Variants in CDH12 observed in about 807,000 individuals in gnomAD.
CDH12 encodes the protein cadherin 12, also known as cadherin-12.
Under a neutral mutation model 74.1 loss-of-function variants are expected in CDH12, and 41 were observed. The observed-to-expected ratio is 0.55, with a 90% CI of 0.43 to 0.72. CDH12 has a LOEUF of 0.72. Ranked by LOEUF, CDH12 falls within the 30% of genes least tolerant of loss-of-function variation. The pLI is 0.00. For synonymous variants in CDH12, 399 were observed against 355.0 expected (o/e 1.12, Z -1.39); for missense variants, 945 against 977.2 (o/e 0.97, Z 0.44).
chr5:21,827,842 A>G (rs769540799), intron 8 of CDH12, among the ~76,000 whole-genome samples: 3 of 152,184 alleles, frequency 2.0e-5, no homozygotes, highest in Non-Finnish European at 4.4e-5. Context: ...AATTTTGGCA[A>G]GAGTTCACAA....
chr5:22,511,898 T>C (rs1736626419), intron 1 of CDH12, among the ~76,000 whole-genome samples: 1 of 152,084 alleles, frequency 6.6e-6, no homozygotes, highest in Non-Finnish European at 1.5e-5. Flanking sequence ...ATGAAAATGG[T>C]CTTATAACTC....
At chr5:21,902,300 ATATATGTG>A (rs1753427576) in intron 6 of CDH12, among the ~76,000 whole-genome samples, 1 of 150,736 alleles carries the variant, frequency 6.6e-6, no homozygotes, top group Admixed American at 6.7e-5. Context: ...GTATATATGT[ATATATGTG>A]TATATATATA....
At chr5:21,912,755 T>C (rs1391008072) in intron 6 of CDH12, among the ~76,000 whole-genome samples, 12 of 152,142 alleles carry the variant, frequency 7.9e-5, no homozygotes, top group Admixed American at 7.2e-4. Context: ...ATTTCTTTAT[T>C]GTCAGTTTTT....
intron 5 of CDH12, among the ~76,000 whole-genome samples, chr5:22,036,650 A>G (rs915119325): frequency 6.6e-6 from 1 of 152,178 alleles, no homozygotes; most frequent in South Asian, 2.1e-4. Flanking sequence ...GAAAATGTTA[A>G]TGAGACTTAT....
At chr5:21,868,716 C>A (rs1346882774) in intron 6 of CDH12, among the ~76,000 whole-genome samples, 1 of 152,162 alleles carries the variant, frequency 6.6e-6, no homozygotes, top group East Asian at 1.9e-4. Flanking sequence ...CTTGTAAATT[C>A]ACAGGCTCAC....
chr5:22,757,097 C>T (rs367584708), intron 1 of CDH12, among the ~76,000 whole-genome samples: 2 of 152,138 alleles, frequency 1.3e-5, no homozygotes, highest in East Asian at 1.9e-4. Flanking sequence ...GTTCAGGATC[C>T]TGTTTATAAA....
At chr5:22,530,409 A>G (rs1737533998) in intron 1 of CDH12, among the ~76,000 whole-genome samples, 1 of 152,154 alleles carries the variant, frequency 6.6e-6, no homozygotes, top group Non-Finnish European at 1.5e-5. Context: ...ATGTTTGTAG[A>G]GGGGCAGAGT....
At chr5:21,880,633 T>TCCC (rs1752272197) in intron 6 of CDH12, among the ~76,000 whole-genome samples, 1 of 93,422 alleles carries the variant, frequency 1.1e-5, no homozygotes, top group Non-Finnish European at 2.3e-5. Context: ...CTTTCTTTCT[T>TCCC]TCTTTCTTTC....
intron 8 of CDH12, among the ~76,000 whole-genome samples, chr5:21,822,819 C>T (rs184933652): frequency 4.6e-5 from 7 of 152,038 alleles, no homozygotes; most frequent in South Asian, 2.1e-4. Flanking sequence ...ACACAATATC[C>T]GTCATATTAA....
At chr5:22,034,606 T>C (rs898543067) in intron 5 of CDH12, among the ~76,000 whole-genome samples, 4 of 152,216 alleles carry the variant, frequency 2.6e-5, no homozygotes, top group African/African-American at 9.6e-5. Context: ...AATTTTCTAG[T>C]CTCACTCTTT....
At chr5:22,811,388 G>T (rs764248695) in intron 1 of CDH12, among the ~76,000 whole-genome samples, 13 of 152,062 alleles carry the variant, frequency 8.5e-5, no homozygotes, top group Non-Finnish European at 1.9e-4. Context: ...GAGAACCTAG[G>T]CCCCTAAGCA....
intron 2 of CDH12, among the ~76,000 whole-genome samples, chr5:22,502,870 C>A (rs767703759): frequency 6.6e-6 from 1 of 152,118 alleles, no homozygotes; most frequent in Non-Finnish European, 1.5e-5. Context: ...ACATTTCATT[C>A]TCTAACTCCT....
chr5:22,016,415 G>A lies in CDH12; in HGVS notation c.232-41030C>T, dbSNP rs549911037. 2.6e-5 allele frequency among the ~76,000 whole-genome samples: 4 copies of A among 151,626 alleles called. No homozygotes were observed. In the South Asian group the frequency reaches 8.3e-4, roughly 32 times the overall value. On this transcript the variant is annotated intron_variant, in intron 5 of 14. Transcript: ENST00000382254. ...AGATTTTTTTTGTTTGTTTTTTTTG[G>A]AGATGGAGTCTTGTTTTGTCTCCAG...
At chr5:22,377,934 T>C (rs1243887561) in intron 3 of CDH12, among the ~76,000 whole-genome samples, 1 of 152,196 alleles carries the variant, frequency 6.6e-6, no homozygotes, top group African/African-American at 2.4e-5. Context: ...ACAGAAATTT[T>C]GTGAAAGTTA....
chr5:22,591,903 T>C (rs1736346291), intron 1 of CDH12, among the ~76,000 whole-genome samples: 1 of 152,232 alleles, frequency 6.6e-6, no homozygotes, highest in Non-Finnish European at 1.5e-5. Flanking sequence ...GATGAACTAT[T>C]CTCCCAGGTT....
At position 22,693,883 on chromosome 5, in the gene CDH12, T is replaced by G. The variant is rs148857387; in HGVS notation, c.-523+159175A>C. ...TGTACACTGATTCATGACTTATCTA[T>G]TCCATTATTTTGAAATATTTAGTTA... On this transcript the variant is annotated intron_variant, in intron 1 of 14. Coordinates refer to ENST00000382254, the MANE Select transcript of CDH12 (RefSeq NM_004061.5). Among the ~76,000 whole-genome samples the G allele has an allele frequency of 7.9e-5, 12 of 152,224 alleles. No individual in the cohort carries two copies. The East Asian group carries it at 2.3e-3, about 29-fold the overall frequency.
At chr5:21,943,117 T>A (rs566781308) in intron 6 of CDH12, among the ~76,000 whole-genome samples, 1 of 152,262 alleles carries the variant, frequency 6.6e-6, no homozygotes, top group African/African-American at 2.4e-5. Context: ...CGTGCCTGTT[T>A]CCCCTTCCAC....
chr5:22,851,162 T>C (rs748771194), intron 1 of CDH12, among the ~76,000 whole-genome samples: 1 of 152,124 alleles, frequency 6.6e-6, no homozygotes, highest in South Asian at 2.1e-4. Context: ...TTAATACATA[T>C]CATTCCGTGT....
intron 5 of CDH12, among the ~76,000 whole-genome samples, chr5:21,999,180 C>T (rs1044023802): frequency 6.6e-6 from 1 of 152,188 alleles, no homozygotes; most frequent in Non-Finnish European, 1.5e-5. Flanking sequence ...ACCAATTTTT[C>T]TTCAAGTATC....
Sources: allele counts gnomAD v4.1 joint callset (sites outside exome capture counted in the v4.1 genomes callset), GRCh38; gene constraint gnomAD v4.1.1; transcripts MANE v1.5; gene names NCBI Gene and HGNC (gene_info 2026-07-23, HGNC 2026-07-21).